Variants in SAMD5 observed in about 807,000 individuals in gnomAD.
SAMD5 encodes the protein sterile alpha motif domain containing 5, also known as sterile alpha motif domain-containing protein 5.
In SAMD5, 13 loss-of-function variants were observed where a neutral mutation model predicts 11.3. The ratio of observed to expected loss-of-function variants is 1.15; its 90% confidence interval spans 0.75 to 1.83. SAMD5 has a LOEUF of 1.83. SAMD5 is among the 40% of genes most tolerant of loss of function. The pLI, the probability that SAMD5 is intolerant of heterozygous loss-of-function variation, is 0.00. For missense variants in SAMD5, 255 were observed against 239.1 expected (o/e 1.07, Z -0.44); for synonymous variants, 129 against 111.3 (o/e 1.16, Z -1.00).
At chr6:147,701,706 A>G (rs536788702) in intron 1 of SAMD5, among the ~76,000 whole-genome samples, 124 of 152,010 alleles carry the variant, frequency 8.2e-4, no homozygotes, top group Non-Finnish European at 1.5e-3. Flanking sequence ...TAGAGGGTTC[A>G]TTTTATTTTG....
In SAMD5 at chr6:147,672,713, A is replaced by T. The variant is rs565100396; in HGVS notation, c.163-64604A>T. On this transcript the variant is annotated intron_variant, in intron 1 of 1. Transcript: ENST00000566741. ...CACTTTAAGCAATTTTTTTTGTTGC[A>T]TATATCTTCATATTTCTAAATGTTC... 4.6e-5 allele frequency among the ~76,000 whole-genome samples: 7 copies of T among 151,636 alleles called. 1 individual carries two copies. The highest frequency in any genetic ancestry group is 1.7e-4 in the African/African-American group (7 of 41,336).
chr6:147,611,537 T>G (rs996333061), intron 1 of SAMD5, among the ~76,000 whole-genome samples: 2 of 152,116 alleles, frequency 1.3e-5, no homozygotes, highest in Non-Finnish European at 2.9e-5. Context: ...TACTCCAGCC[T>G]GGGTGACAGA....
At chr6:147,857,803 C>T in the SAMD5 span, among the ~76,000 whole-genome samples, 1 of 152,112 alleles carries the variant, frequency 6.6e-6, no homozygotes, top group South Asian at 2.1e-4. Context: ...GGCATAAAAT[C>T]GGTAAAATAA....
chr6:147,932,588 T>TTGTGTGTGTGTG, the SAMD5 span, among the ~76,000 whole-genome samples: 2 of 131,090 alleles, frequency 1.5e-5, no homozygotes, highest in Non-Finnish European at 3.3e-5. Context: ...TCTTACAGAA[T>TTGTGTGTGTGTG]TGTGTGTGTG....
chr6:147,820,890 A>T, the SAMD5 span, among the ~76,000 whole-genome samples: 1 of 152,234 alleles, frequency 6.6e-6, no homozygotes, highest in Non-Finnish European at 1.5e-5. Context: ...CTGGCAAAGC[A>T]TGGACATCTT....
chr6:147,683,275 G>A (rs1790965088), intron 1 of SAMD5, among the ~76,000 whole-genome samples: 1 of 152,238 alleles, frequency 6.6e-6, no homozygotes, highest in Non-Finnish European at 1.5e-5. Context: ...TTACACATAG[G>A]TGAGAGAGTT....
At chr6:147,800,440 C>G in the SAMD5 span, among the ~76,000 whole-genome samples, 1 of 152,174 alleles carries the variant, frequency 6.6e-6, no homozygotes, top group Non-Finnish European at 1.5e-5. Flanking sequence ...AGATCTCCAG[C>G]TGCATACTGG....
At chr6:147,799,183 G>T in the SAMD5 span, among the ~76,000 whole-genome samples, 1 of 151,728 alleles carries the variant, frequency 6.6e-6, no homozygotes, top group Non-Finnish European at 1.5e-5. Flanking sequence ...TTACATTTTG[G>T]CATGATTTTG....
chr6:147,746,438 G>A, the SAMD5 span, among the ~76,000 whole-genome samples: 61 of 152,130 alleles, frequency 4.0e-4, no homozygotes, highest in Non-Finnish European at 6.9e-4. Context: ...TATTTCTAAG[G>A]CCTTAGTGGT....
intron 1 of SAMD5, among the ~76,000 whole-genome samples, chr6:147,554,220 T>C: frequency 6.6e-6 from 1 of 152,062 alleles, no homozygotes; most frequent in East Asian, 1.9e-4. Context: ...AGTACGGGGG[T>C]AACCACCTCT....
the SAMD5 span, among the ~76,000 whole-genome samples, chr6:147,778,622 A>G: frequency 6.6e-6 from 1 of 152,130 alleles, no homozygotes; most frequent in Non-Finnish European, 1.5e-5. Context: ...TACTTGCAAA[A>G]TTAACACAGA....
the SAMD5 span, among the ~76,000 whole-genome samples, chr6:147,828,207 G>A: frequency 6.6e-6 from 1 of 152,158 alleles, no homozygotes; most frequent in African/African-American, 2.4e-5. Flanking sequence ...TATTTCTTGT[G>A]TTGAACTGAA....
At chr6:147,557,166 T>G (rs1240822470) in intron 1 of SAMD5, among the ~76,000 whole-genome samples, 1 of 152,246 alleles carries the variant, frequency 6.6e-6, no homozygotes, top group Non-Finnish European at 1.5e-5. Flanking sequence ...ACTTTTTCAT[T>G]ATGACATTAA....
chr6:147,734,711 TAAAAAAAAAAAAAAAAAAA>T (rs61482319), intron 1 of SAMD5, among the ~76,000 whole-genome samples: 8 of 26,112 alleles, frequency 3.1e-4, no homozygotes, highest in Non-Finnish European at 5.7e-4. Context: ...AGACTCCATC[TAAAAAAAAAAAAAAAAAAA>T]AAAAAAAAAA....
At chr6:147,554,936 A>C (rs1461677058) in intron 1 of SAMD5, among the ~76,000 whole-genome samples, 1 of 152,146 alleles carries the variant, frequency 6.6e-6, no homozygotes, top group Non-Finnish European at 1.5e-5. Flanking sequence ...CAATACTATA[A>C]TGTGATGTTA....
chr6:147,831,542 T>A, the SAMD5 span, among the ~76,000 whole-genome samples: 362 of 152,310 alleles, frequency 2.4e-3, 1 homozygote, highest in Middle Eastern at 0.037. Context: ...TTGGATTCCA[T>A]TTGAATTTAA....
chr6:147,699,486 C>A (rs1791222811), intron 1 of SAMD5, among the ~76,000 whole-genome samples: 1 of 152,068 alleles, frequency 6.6e-6, no homozygotes, highest in African/African-American at 2.4e-5. Flanking sequence ...TTTCCCCTCC[C>A]ACTAATTATA....
chr6:147,572,682 A>C (rs940050154), downstream of SAMD5, among the ~76,000 whole-genome samples: 2 of 152,192 alleles, frequency 1.3e-5, no homozygotes, highest in African/African-American at 2.4e-5. Flanking sequence ...TGCAATTAAA[A>C]CTAATAATCA....
intron 1 of SAMD5, among the ~76,000 whole-genome samples, chr6:147,543,301 T>C (rs761408248): frequency 2.0e-5 from 3 of 152,242 alleles, no homozygotes; most frequent in Non-Finnish European, 4.4e-5. Context: ...GAAACAACTT[T>C]GCAATTTAAA....
Sources: allele counts gnomAD v4.1 joint callset (sites outside exome capture counted in the v4.1 genomes callset), GRCh38; gene constraint gnomAD v4.1.1; transcripts MANE v1.5; gene names NCBI Gene and HGNC (gene_info 2026-07-23, HGNC 2026-07-21).